Variants in MAP3K5 observed in about 807,000 individuals in gnomAD.
The protein encoded by MAP3K5 is mitogen-activated protein kinase kinase kinase 5, also known as ASK-1.
MAP3K5 carries 56 observed loss-of-function variants against 158.7 expected under a neutral mutation model. The observed-to-expected ratio is 0.35, with a 90% CI of 0.28 to 0.44. The LOEUF is 0.44. Among genes scored for constraint, MAP3K5 ranks in the 20% least tolerant of loss-of-function variants. The pLI is 1.00. For missense variants in MAP3K5, 1,294 were observed against 1,674.8 expected (o/e 0.77, Z 3.97); for synonymous variants, 579 against 601.7 (o/e 0.96, Z 0.55).
chr6:136,598,988 T>G (rs565202265), intron 21 of MAP3K5, among the ~76,000 whole-genome samples: 1 of 152,138 alleles, frequency 6.6e-6, no homozygotes, highest in Non-Finnish European at 1.5e-5. Context: ...CTGGCCAACA[T>G]GGCGAAACCC....
chr6:136,757,473 CATA>C (rs1275643386), intron 1 of MAP3K5, among the ~76,000 whole-genome samples: 3 of 151,810 alleles, frequency 2.0e-5, no homozygotes, highest in Non-Finnish European at 4.4e-5. Context: ...AAATAATGTT[CATA>C]ATAATTAGCA....
At chr6:136,568,304 T>C (rs1330022413) in intron 25 of MAP3K5, among the ~76,000 whole-genome samples, 1 of 152,254 alleles carries the variant, frequency 6.6e-6, no homozygotes, top group Admixed American at 6.5e-5. Context: ...GAAAGTGAGC[T>C]ATACAGAGAT....
chr6:136,659,507 T>C, intron 8 of MAP3K5, 129 bp from the exon 9 acceptor site: 1 of 829,404 alleles, frequency 1.2e-6, no homozygotes, highest in Non-Finnish European at 1.9e-6. Context: ...AAGTTTCTGA[T>C]TATTAAGGTG....
At chr6:136,677,770 G>A (rs1476610000) in intron 7 of MAP3K5, among the ~76,000 whole-genome samples, 1 of 152,180 alleles carries the variant, frequency 6.6e-6, no homozygotes, top group East Asian at 1.9e-4. Context: ...CTACAAATGA[G>A]GACAGTGTAG....
chr6:136,621,883 A>G (rs113659905), intron 15 of MAP3K5, among the ~76,000 whole-genome samples: 1,864 of 152,176 alleles, frequency 0.012, 39 homozygotes, highest in African/African-American at 0.043. Context: ...TCAGGAGATC[A>G]AGACCGTCCT....
In MAP3K5 at chr6:136,558,949, GT is replaced by G. The variant is rs150944915; in HGVS notation, c.3988-74del. 1,676 of 767,852 alleles carry G rather than the reference GT, an allele frequency of 2.2e-3. 14 individuals carry two copies. The African/African-American group carries it at 0.024, about 11-fold the overall frequency. 47.6% of individuals were successfully genotyped at this position (767,852 alleles called of 1,614,324 possible). ...ATAAAGCACAAACTCTATTCATAATGTAAACCTTGACTATAATTAAAAATGA... is the reference window on the plus strand; with the variant it reads ...ATAAAGCACAAACTCTATTCATAATGAAACCTTGACTATAATTAAAAATGA... On this transcript the variant is annotated intron_variant, in intron 28 of 29. Transcript: ENST00000359015.
intron 7 of MAP3K5, among the ~76,000 whole-genome samples, chr6:136,677,276 T>C (rs1477582459): frequency 6.6e-6 from 1 of 151,548 alleles, no homozygotes; most frequent in Non-Finnish European, 1.5e-5. Context: ...TAGCTGGGAC[T>C]ACAGGTGCCC....
intron 10 of MAP3K5, among the ~76,000 whole-genome samples, chr6:136,654,199 T>C (rs1161370425): frequency 1.3e-5 from 2 of 152,232 alleles, no homozygotes; most frequent in African/African-American, 4.8e-5. Flanking sequence ...TCAGGATCCC[T>C]TACACAATCC....
chr6:136,778,902 G>A (rs1784500620), intron 1 of MAP3K5, among the ~76,000 whole-genome samples: 2 of 152,248 alleles, frequency 1.3e-5, no homozygotes, highest in South Asian at 2.1e-4. Flanking sequence ...GCTCACGCCT[G>A]TAATGCCAGT....
intron 1 of MAP3K5, among the ~76,000 whole-genome samples, chr6:136,737,037 G>GTGTGTGTATATATA (rs759947051): frequency 1.2e-4 from 15 of 127,002 alleles, no homozygotes; most frequent in African/African-American, 4.2e-4. Context: ...ATATGTGTGT[G>GTGTGTGTATATATA]TATATATATA....
At chr6:136,642,378 T>C (rs1778022206) in intron 12 of MAP3K5, 142 bp downstream of exon 12, 1 of 693,254 alleles carries the variant, frequency 1.4e-6, no homozygotes, top group Non-Finnish European at 2.6e-6. Context: ...ATAGTGACAC[T>C]GAAGAAGGCT....
intron 8 of MAP3K5, among the ~76,000 whole-genome samples, chr6:136,660,621 G>C (rs1406847657): frequency 1.3e-5 from 2 of 151,934 alleles, no homozygotes; most frequent in African/African-American, 4.8e-5. Context: ...ATAAGTATTT[G>C]TTTGCTTAAA....
chr6:136,674,065 C>T (rs894429715), intron 7 of MAP3K5, among the ~76,000 whole-genome samples: 1 of 151,846 alleles, frequency 6.6e-6, no homozygotes, highest in African/African-American at 2.4e-5. Flanking sequence ...TGACAGTAGA[C>T]TTTGCCGTAC....
At chr6:136,763,142 G>A (rs1270845192) in intron 1 of MAP3K5, among the ~76,000 whole-genome samples, 3 of 152,116 alleles carry the variant, frequency 2.0e-5, no homozygotes, top group Admixed American at 1.3e-4. Context: ...ACAGGTGCAC[G>A]CCACCATGCC....
chr6:136,728,855 A>G (rs1214366341), intron 1 of MAP3K5, among the ~76,000 whole-genome samples: 2 of 152,068 alleles, frequency 1.3e-5, no homozygotes, highest in Non-Finnish European at 2.9e-5. Context: ...AATCAGAGGG[A>G]TATTTTGCAC....
At chr6:136,702,536 C>A (rs969899078) in intron 3 of MAP3K5, among the ~76,000 whole-genome samples, 9 of 152,154 alleles carry the variant, frequency 5.9e-5, no homozygotes, top group Admixed American at 5.2e-4. Context: ...TTAAGTGGAA[C>A]AATTGCCTTT....
intron 2 of MAP3K5, among the ~76,000 whole-genome samples, chr6:136,715,414 TC>T (rs1781476680): frequency 6.6e-6 from 1 of 152,188 alleles, no homozygotes; most frequent in South Asian, 2.1e-4. Context: ...AAATTAGCAC[TC>T]ATAATCTACC....
At chr6:136,644,834 G>C (rs1448220655) in intron 11 of MAP3K5, among the ~76,000 whole-genome samples, 1 of 152,184 alleles carries the variant, frequency 6.6e-6, no homozygotes, top group East Asian at 1.9e-4. Flanking sequence ...CCGCCTGTGT[G>C]AGGTGCTTCT....
Position 136,605,339 on chromosome 6 carries a change from A to T in MAP3K5, c.2549T>A (p.Ile850Lys). ...TGTLQYMAPEIIDKGPRGYGK... is the reference protein window; with the variant it reads ...TGTLQYMAPEKIDKGPRGYGK... ...GTAGCCTCTTGGTCCTTTATCTATT[A>T]TTTCTGGTGCCATATACTGGAGGGT... Residue 850 changes from isoleucine (I) to lysine (K), a missense_variant, in exon 19 of 30, where the codon ATA (isoleucine) becomes AAA (lysine). By Grantham distance (102) the Ile-to-Lys change is moderately radical. Coordinates refer to ENST00000359015, the MANE Select transcript of MAP3K5 (RefSeq NM_005923.4). The T allele has an allele frequency of 6.2e-7, 1 of 1,613,938 alleles. No homozygotes were observed. Among genetic ancestry groups the T allele is most frequent in the Non-Finnish European group, 8.5e-7 (1 of 1,179,934 alleles).
Sources: gnomAD v4.1 joint callset for allele counts (sites outside exome capture counted in the v4.1 genomes callset) on GRCh38, gnomAD v4.1.1 for gene constraint, MANE v1.5 for transcripts, NCBI Gene and HGNC (gene_info 2026-07-23, HGNC 2026-07-21) for gene names.